Variants in ROBO2 observed in about 807,000 individuals in gnomAD.
ROBO2 encodes roundabout homolog 2.
Under a neutral mutation model 160.8 loss-of-function variants are expected in ROBO2, and 53 were observed. That is an observed-to-expected ratio of 0.33 (90% CI 0.26 to 0.41). The LOEUF is 0.41. ROBO2 is among the 10% of genes least tolerant of loss of function. The probability of loss-of-function intolerance (pLI) is 1.00; values close to 1 mark genes in which losing one functional copy is unlikely to be tolerated. For missense variants in ROBO2, 1,577 were observed against 1,722.4 expected (o/e 0.92, Z 1.49); for synonymous variants, 664 against 611.7 (o/e 1.09, Z -1.26).
At chr3:76,021,521 A>T (rs573354570) in intron 2 of ROBO2, among the ~76,000 whole-genome samples, 1 of 151,928 alleles carries the variant, frequency 6.6e-6, no homozygotes, top group African/African-American at 2.4e-5. Context: ...GAAGATATAC[A>T]GGCGTACCTT....
intron 1 of ROBO2, among the ~76,000 whole-genome samples, chr3:77,059,100 T>C (rs994178432): frequency 1.5e-4 from 23 of 152,188 alleles, no homozygotes; most frequent in African/African-American, 5.6e-4. Context: ...AAGCAGATTA[T>C]AAAATCTATG....
intron 2 of ROBO2, among the ~76,000 whole-genome samples, chr3:77,308,511 C>A (rs1261208330): frequency 6.6e-6 from 1 of 151,838 alleles, no homozygotes. Context: ...ATAGGAGAGC[C>A]CTGGCAGGAG....
At chr3:77,146,382 G>C (rs1045231169) in intron 2 of ROBO2, among the ~76,000 whole-genome samples, 1 of 152,098 alleles carries the variant, frequency 6.6e-6, no homozygotes, top group African/African-American at 2.4e-5. Context: ...CTGGTAACGT[G>C]GTAGTGGGTG....
chr3:77,614,745 CCAACCAACCAAA>C (rs1383036237), intron 21 of ROBO2, among the ~76,000 whole-genome samples: 2 of 140,302 alleles, frequency 1.4e-5, no homozygotes, highest in Non-Finnish European at 3.0e-5. Context: ...AACCAACCAA[CCAACCAACCAAA>C]CAAACAAACA....
intron 2 of ROBO2, among the ~76,000 whole-genome samples, chr3:76,281,429 A>G (rs1314743639): frequency 6.6e-6 from 1 of 151,992 alleles, no homozygotes; most frequent in Non-Finnish European, 1.5e-5. Flanking sequence ...TCAATTTGCA[A>G]TAACAAATTT....
In ROBO2 at chr3:77,176,719, A is replaced by G. The variant is rs72891562; in HGVS notation, c.388+78379A>G. On this transcript the variant is annotated intron_variant, in intron 2 of 25. Transcript: ENST00000461745. ...TAGTGAAATCCAAAATTTACATTTT[A>G]CATTTTTTAGGAATAAACTGCATTA... Among the ~76,000 whole-genome samples the G allele has an allele frequency of 7.2e-3, 1,095 of 152,128 alleles. 12 individuals carry two copies. Among genetic ancestry groups the G allele is most frequent in the African/African-American group, 0.024 (1,002 of 41,548 alleles).
intron 2 of ROBO2, among the ~76,000 whole-genome samples, chr3:77,373,900 G>A (rs1299228137): frequency 6.7e-6 from 1 of 149,956 alleles, no homozygotes; most frequent in Non-Finnish European, 1.5e-5. Flanking sequence ...GGCGGGGCGC[G>A]ATGGCTCGTG....
intron 1 of ROBO2, 120 bp from the exon 2 acceptor site, chr3:77,097,894 A>G: frequency 3.3e-6 from 3 of 913,834 alleles, no homozygotes; most frequent in Admixed American, 2.9e-5. Context: ...AAAACGAAAC[A>G]TAAAATAATG....
At chr3:76,926,702 T>C (rs1433897291) in intron 2 of ROBO2, among the ~76,000 whole-genome samples, 3 of 152,188 alleles carry the variant, frequency 2.0e-5, no homozygotes, top group African/African-American at 7.2e-5. Context: ...AATCCTCTAA[T>C]TCACATTTTA....
chr3:77,024,170 C>T (rs985200613), intron 2 of ROBO2, among the ~76,000 whole-genome samples: 8 of 152,210 alleles, frequency 5.3e-5, no homozygotes, highest in East Asian at 1.9e-4. Flanking sequence ...GTGGCATTAT[C>T]GATTGCCTGA....
chr3:75,983,942 C>G (rs2065344834), intron 2 of ROBO2, among the ~76,000 whole-genome samples: 1 of 151,450 alleles, frequency 6.6e-6, no homozygotes, highest in Non-Finnish European at 1.5e-5. Context: ...AATCACTCTG[C>G]CCGATCCTTT....
chr3:76,180,301 A>G (rs1384281001), intron 2 of ROBO2, among the ~76,000 whole-genome samples: 1 of 152,174 alleles, frequency 6.6e-6, no homozygotes, highest in Non-Finnish European at 1.5e-5. Flanking sequence ...GAACTTGTTG[A>G]ACTGAAGTAA....
chr3:76,012,180 C>T (rs977336615), intron 2 of ROBO2, among the ~76,000 whole-genome samples: 5 of 152,090 alleles, frequency 3.3e-5, no homozygotes, highest in Middle Eastern at 3.2e-3. Flanking sequence ...TATATTCATT[C>T]TAAAATAAAG....
chr3:76,908,106 C>T (rs3911533), intron 2 of ROBO2, among the ~76,000 whole-genome samples: 33,613 of 151,946 alleles, frequency 0.22, 3,892 homozygotes, highest in Admixed American at 0.29. Context: ...TCCCAAAGTG[C>T]TAGGATTACA....
intron 2 of ROBO2, among the ~76,000 whole-genome samples, chr3:76,366,573 C>T (rs1318881787): frequency 6.6e-6 from 1 of 151,982 alleles, no homozygotes; most frequent in East Asian, 1.9e-4. Context: ...TAGCCTTCCT[C>T]TTCTAGTAAT....
intron 2 of ROBO2, among the ~76,000 whole-genome samples, chr3:76,206,931 C>G (rs934108340): frequency 6.6e-6 from 1 of 152,136 alleles, no homozygotes; most frequent in Admixed American, 6.6e-5. Flanking sequence ...CAGAGCCACA[C>G]AATCCCAATC....
chr3:77,134,596 G>C (rs1279329329), intron 2 of ROBO2, among the ~76,000 whole-genome samples: 1 of 152,156 alleles, frequency 6.6e-6, no homozygotes, highest in Non-Finnish European at 1.5e-5. Flanking sequence ...TAAACCAACA[G>C]CTCTGCCGTG....
chr3:77,103,753 A>G (rs1579001885), intron 2 of ROBO2, among the ~76,000 whole-genome samples: 1 of 152,222 alleles, frequency 6.6e-6, no homozygotes, highest in African/African-American at 2.4e-5. Flanking sequence ...CTGTCCAAAC[A>G]TAATGCTCCT....
chr3:76,223,007 A>C (rs974675782), intron 2 of ROBO2, among the ~76,000 whole-genome samples: 2 of 151,886 alleles, frequency 1.3e-5, no homozygotes, highest in Non-Finnish European at 2.9e-5. Flanking sequence ...TGCCCGCCTC[A>C]GCCTCCCAAA....
Sources: gnomAD v4.1 joint callset for allele counts (sites outside exome capture counted in the v4.1 genomes callset) on GRCh38, gnomAD v4.1.1 for gene constraint, MANE v1.5 for transcripts, NCBI Gene and HGNC (gene_info 2026-07-23, HGNC 2026-07-21) for gene names.